FAM227B: variants seen among roughly 807,000 people sequenced by gnomAD.
The protein encoded by FAM227B is protein FAM227B.
A neutral mutation model predicts 73.8 loss-of-function variants in FAM227B; 88 were observed. That is an observed-to-expected ratio of 1.19 (90% CI 1.00 to 1.42). The LOEUF is 1.42. Ranked by LOEUF, FAM227B falls within the 40% of genes most tolerant of loss-of-function variation. The pLI is 0.00. For synonymous variants in FAM227B, 210 were observed against 190.5 expected, an observed-to-expected ratio of 1.10 and a Z score of -0.84; for missense variants, 632 against 590.9, an observed-to-expected ratio of 1.07 and a Z score of -0.72.
intron 14 of FAM227B, among the ~76,000 whole-genome samples, chr15:49,333,188 T>C (rs1168374190): frequency 2.0e-5 from 3 of 152,150 alleles, no homozygotes; most frequent in African/African-American, 7.2e-5. Context: ...TACCATAAAA[T>C]TGACCCATTA....
intron 11 of FAM227B, among the ~76,000 whole-genome samples, chr15:49,389,857 AG>A (rs1567195449): frequency 2.0e-5 from 3 of 152,140 alleles, no homozygotes; most frequent in Non-Finnish European, 1.5e-5. Flanking sequence ...AGCCACTGGT[AG>A]AACCATTTTT....
Position 49,563,222 on chromosome 15 carries a change from T to C in FAM227B, c.747+5023A>G, listed in dbSNP as rs142387111. On this transcript the variant is annotated intron_variant, in intron 9 of 15. Transcript: ENST00000299338. The stretch of plus-strand genomic sequence containing the variant: ...TATAATGTTAAAGCTGAGAGCCAAA[T>C]TAAGAATGCAATCATATTTACAGAA... Among the ~76,000 whole-genome samples, 731 of 152,066 alleles carry C rather than the reference T, an allele frequency of 4.8e-3. 2 individuals are homozygous for C. The highest frequency in any genetic ancestry group is 0.017 in the Middle Eastern group (5 of 294).
chr15:49,566,540 G>C (rs944973793), intron 9 of FAM227B, among the ~76,000 whole-genome samples: 8 of 152,148 alleles, frequency 5.3e-5, no homozygotes, highest in Non-Finnish European at 1.2e-4. Flanking sequence ...TGGACTGGAA[G>C]ATAATTTTTT....
chr15:49,429,817 AG>A (rs1179422500), intron 11 of FAM227B, among the ~76,000 whole-genome samples: 1 of 151,924 alleles, frequency 6.6e-6, no homozygotes, highest in Non-Finnish European at 1.5e-5. Flanking sequence ...GGATCACATT[AG>A]ATTACTGGGG....
intron 11 of FAM227B, among the ~76,000 whole-genome samples, chr15:49,506,142 A>G (rs914819980): frequency 3.9e-5 from 6 of 152,024 alleles, no homozygotes; most frequent in African/African-American, 1.2e-4. Flanking sequence ...GGAGAAATAG[A>G]TAATTCTAAA....
intron 11 of FAM227B, among the ~76,000 whole-genome samples, chr15:49,395,344 C>A (rs912140321): frequency 3.3e-5 from 5 of 152,002 alleles, no homozygotes; most frequent in Non-Finnish European, 7.4e-5. Context: ...AATGTTTCCA[C>A]TTCAATAATG....
intron 3 of FAM227B, among the ~76,000 whole-genome samples, chr15:49,611,014 A>G (rs1309013620): frequency 5.9e-5 from 9 of 152,164 alleles, no homozygotes; most frequent in African/African-American, 9.6e-5. Context: ...TTTAATGTGA[A>G]AAAGAGAATA....
At chr15:49,376,010 G>A (rs1042825671) in intron 11 of FAM227B, among the ~76,000 whole-genome samples, 7 of 151,958 alleles carry the variant, frequency 4.6e-5, no homozygotes, top group Non-Finnish European at 1.0e-4. Flanking sequence ...ATTAGTGATT[G>A]TGTGAACTTA....
At chr15:49,362,403 G>A (rs762229086) in intron 13 of FAM227B, among the ~76,000 whole-genome samples, 1 of 152,132 alleles carries the variant, frequency 6.6e-6, no homozygotes, top group South Asian at 2.1e-4. Context: ...CATGCTTCCT[G>A]TTAAACCTGC....
At chr15:49,335,349 A>T in intron 14 of FAM227B, 70 bp downstream of exon 14, 1 of 1,006,492 alleles carries the variant, frequency 9.9e-7, no homozygotes, top group Non-Finnish European at 1.5e-6. Flanking sequence ...AGTTTAGATG[A>T]TTTCTCTGAT....
At chr15:49,452,473 A>G (rs2052848735) in intron 11 of FAM227B, among the ~76,000 whole-genome samples, 1 of 152,234 alleles carries the variant, frequency 6.6e-6, no homozygotes, top group African/African-American at 2.4e-5. Flanking sequence ...AAACAAATTA[A>G]TAAGTAAAAA....
intron 9 of FAM227B, among the ~76,000 whole-genome samples, chr15:49,556,673 G>GA (rs1197182383): frequency 2.8e-5 from 2 of 70,250 alleles, no homozygotes; most frequent in Admixed American, 1.7e-4. Context: ...CTGACAGACA[G>GA]GGGGCACTCA....
intron 3 of FAM227B, among the ~76,000 whole-genome samples, chr15:49,608,958 T>C (rs1302593889): frequency 6.6e-6 from 1 of 151,962 alleles, no homozygotes; most frequent in Non-Finnish European, 1.5e-5. Flanking sequence ...TTTTTTAAAG[T>C]GTGACAGTAA....
chr15:49,411,635 G>T (rs545543851), intron 11 of FAM227B, among the ~76,000 whole-genome samples: 3 of 152,080 alleles, frequency 2.0e-5, no homozygotes, highest in African/African-American at 7.2e-5. Flanking sequence ...TTAATCCTTT[G>T]GTTGTACTAA....
At chr15:49,608,972 G>C (rs79558527) in intron 3 of FAM227B, among the ~76,000 whole-genome samples, 6 of 151,918 alleles carry the variant, frequency 3.9e-5, no homozygotes, top group Admixed American at 3.3e-4. Context: ...ACAGTAAAGA[G>C]AGATGAGACA....
chr15:49,351,605 G>A (rs118162295), intron 13 of FAM227B, among the ~76,000 whole-genome samples: 4,250 of 152,290 alleles, frequency 0.028, 94 homozygotes, highest in Middle Eastern at 0.044. Context: ...TGGGTTTTCC[G>A]GAAAGCGGAC....
intron 9 of FAM227B, among the ~76,000 whole-genome samples, chr15:49,567,113 A>C (rs1029651043): frequency 3.9e-5 from 6 of 152,294 alleles, no homozygotes; most frequent in Middle Eastern, 3.4e-3. Flanking sequence ...GTAAATAGTT[A>C]AAATAAAAGC....
At chr15:49,493,888 A>ATATATATATATATATG (rs146161182) in intron 11 of FAM227B, among the ~76,000 whole-genome samples, 7 of 148,832 alleles carry the variant, frequency 4.7e-5, no homozygotes, top group South Asian at 2.1e-4. Flanking sequence ...ATATATATAT[A>ATATATATATATATATG]TGTGTGTGTG....
intron 3 of FAM227B, among the ~76,000 whole-genome samples, chr15:49,602,461 T>G (rs529304338): frequency 6.6e-6 from 1 of 152,378 alleles, no homozygotes; most frequent in East Asian, 1.9e-4. Context: ...AAATGTCTAT[T>G]CAAATATTTC....
Sources: allele counts gnomAD v4.1 joint callset (sites outside exome capture counted in the v4.1 genomes callset), GRCh38; gene constraint gnomAD v4.1.1; transcripts MANE v1.5; gene names NCBI Gene and HGNC (gene_info 2026-07-23, HGNC 2026-07-21).